RMDN1: variants seen among roughly 807,000 people sequenced by gnomAD.
RMDN1 encodes the protein regulator of microtubule dynamics 1.
A neutral mutation model predicts 48.9 loss-of-function variants in RMDN1; 48 were observed. That is an observed-to-expected ratio of 0.98 (90% CI 0.78 to 1.25). The LOEUF is 1.25. Among genes scored for constraint, RMDN1 ranks in the 50% most tolerant of loss-of-function variants. The pLI, the probability that RMDN1 is intolerant of heterozygous loss-of-function variation, is 0.00. For missense variants in RMDN1, 418 were observed against 373.4 expected (o/e 1.12, Z -0.98); for synonymous variants, 148 against 132.6 (o/e 1.12, Z -0.80).
At position 86,503,623 on chromosome 8, in the gene RMDN1, T is replaced by C. The variant is rs1214772205; in HGVS notation, c.247+3372A>G. 5 of 495,522 alleles carry C rather than the reference T, an allele frequency of 1.0e-5. No homozygotes were observed. The East Asian group carries it at 2.2e-4, about 21-fold the overall frequency. The allele number at this position is 495,522 out of a possible 1,614,324, so 30.7% of individuals were successfully genotyped here. ...CAGCTCTGATCGTTGCCATTACAGT[T>C]GCTACAATTGGCTCTTTCCAAGTTG... On this transcript the variant is annotated intron_variant, in intron 2 of 9. Transcript: ENST00000406452.
In RMDN1 at chr8:86,474,704, C is replaced by T. The variant is rs1447352773; in HGVS notation, c.894+116G>A. The T allele has an allele frequency of 6.2e-6, 6 of 965,964 alleles. No individual in the cohort carries two copies. In the African/African-American group the frequency reaches 8.1e-5, roughly 13 times the overall value. 59.8% of individuals were successfully genotyped at this position (965,964 alleles called of 1,614,324 possible). A position where few individuals can be genotyped will look rare whatever the true frequency, so the allele number is the denominator to read the frequency against. On this transcript the variant is annotated intron_variant, in intron 9 of 9. Transcript: ENST00000406452. ...AATCAATTTACACTTGAAATGAACA[C>T]ACTTGTTTTCAACAATATTATGCAT...
intron 2 of RMDN1, among the ~76,000 whole-genome samples, chr8:86,502,910 T>C (rs565522462): frequency 2.3e-3 from 357 of 152,258 alleles, no homozygotes; most frequent in African/African-American, 8.3e-3. Flanking sequence ...GGTTAAGGGC[T>C]CTACAAAAAT....
intron 2 of RMDN1, among the ~76,000 whole-genome samples, chr8:86,493,562 G>A (rs1816849698): frequency 7.2e-6 from 1 of 138,650 alleles, no homozygotes; most frequent in African/African-American, 2.5e-5. Flanking sequence ...ATATGAAGTG[G>A]AGGACATGAT....
intron 9 of RMDN1, 199 bp from the exon 10 acceptor site, chr8:86,474,557 G>A (rs1813041896): frequency 2.9e-6 from 2 of 698,720 alleles, no homozygotes; most frequent in African/African-American, 3.6e-5. Flanking sequence ...TTATGTTTTA[G>A]AAATGTTAAC....
chr8:86,508,361 A>G (rs545290646), intron 1 of RMDN1, 131 bp downstream of exon 1: 8 of 991,582 alleles, frequency 8.1e-6, no homozygotes, highest in Non-Finnish European at 1.1e-5. Context: ...TTCCAGGCAC[A>G]GTGGCCCCGA....
intron 2 of RMDN1, among the ~76,000 whole-genome samples, chr8:86,506,104 G>C (rs950080493): frequency 6.6e-6 from 1 of 152,178 alleles, no homozygotes; most frequent in African/African-American, 2.4e-5. Context: ...ACTCCTCCTT[G>C]TAGGAGACTC....
chr8:86,489,829 C>CA (rs1237646168), intron 2 of RMDN1, among the ~76,000 whole-genome samples: 78 of 59,380 alleles, frequency 1.3e-3, no homozygotes, highest in Admixed American at 2.7e-3. Flanking sequence ...GACTCTGTCT[C>CA]AAAAAAAAAA....
In RMDN1 at chr8:86,472,364, C is replaced by T. The variant is rs1401352414; in HGVS notation, c.*1944G>A. ...ACAGTCAAAATGCAGGTGCACAACA[C>T]AGTTTATTCGGTCTCCCTAAAGGAA... On this transcript the variant is annotated 3_prime_UTR_variant, in exon 10 of 10. Coordinates refer to ENST00000406452, the MANE Select transcript of RMDN1 (RefSeq NM_016033.3). The T allele has an allele frequency of 4.3e-6, 3 of 699,310 alleles. No homozygotes were observed. The highest frequency in any genetic ancestry group is 7.8e-6 in the Non-Finnish European group (3 of 383,958). The allele number at this position is 699,310 out of a possible 1,614,324, so 43.3% of individuals were successfully genotyped here.
chr8:86,508,355 A>T, intron 1 of RMDN1, 137 bp downstream of exon 1: 1 of 937,484 alleles, frequency 1.1e-6, no homozygotes, highest in African/African-American at 1.7e-5. Context: ...CGGGCGTTCC[A>T]GGCACAGTGG....
chr8:86,486,446 T>G lies in RMDN1; in HGVS notation c.495+38A>C, dbSNP rs373146283. ...AATAGAAAAATATAGAAAATGTACC[T>G]CTCAGTACATGGTTAATAGCTTAGT... On this transcript the variant is annotated intron_variant, in intron 4 of 9. Coordinates refer to ENST00000406452, the MANE Select transcript of RMDN1 (RefSeq NM_016033.3). 4.5e-5 allele frequency: 63 copies of G among 1,385,806 alleles called. No homozygotes were observed. The Middle Eastern group carries it at 4.0e-3, about 87-fold the overall frequency. The allele number at this position is 1,385,806 out of a possible 1,614,324, so 85.8% of individuals were successfully genotyped here. A position where few individuals can be genotyped will look rare whatever the true frequency, so the allele number is the denominator to read the frequency against.
chr8:86,477,627 G>A (rs1462483714), intron 7 of RMDN1, among the ~76,000 whole-genome samples: 3 of 152,118 alleles, frequency 2.0e-5, no homozygotes, highest in African/African-American at 7.2e-5. Context: ...CAGCTATTTT[G>A]ACAGTTCTCT....
At chr8:86,475,940 A>G (rs1386687209) in intron 8 of RMDN1, among the ~76,000 whole-genome samples, 2 of 152,194 alleles carry the variant, frequency 1.3e-5, no homozygotes, top group Non-Finnish European at 2.9e-5. Flanking sequence ...TGTGAGCCAG[A>G]AAAGACAAAG....
chr8:86,475,087 G>A, intron 8 of RMDN1, 134 bp from the exon 9 acceptor site: 3 of 636,580 alleles, frequency 4.7e-6, no homozygotes, highest in Non-Finnish European at 7.8e-6. Flanking sequence ...ATTCTCTTTT[G>A]TTCAACTGTT....
chr8:86,482,375 C>T lies in RMDN1; in HGVS notation c.586-2043G>A, dbSNP rs145778770. ...CGAGATCACACCACTGCACCCCAGC[C>T]TGGGCAACAGAGGAGACTCTGTCTC... On this transcript the variant is annotated intron_variant, in intron 5 of 9. Coordinates refer to ENST00000406452, the MANE Select transcript of RMDN1 (RefSeq NM_016033.3). 391 of 384,940 alleles carry T rather than the reference C, an allele frequency of 1.0e-3. 1 individual carries two copies. Among genetic ancestry groups the T allele is most frequent in the African/African-American group, 7.8e-3 (373 of 47,884 alleles). The allele number at this position is 384,940 out of a possible 1,614,324, so 23.8% of individuals were successfully genotyped here.
intron 6 of RMDN1, 27 bp downstream of exon 6, chr8:86,480,250 C>A (rs757719400): frequency 3.3e-5 from 41 of 1,248,586 alleles, no homozygotes; most frequent in Non-Finnish European, 4.3e-5. Flanking sequence ...CTAAATACTA[C>A]TGAAATATTT....
intron 2 of RMDN1, chr8:86,505,432 T>G (rs1156805630): frequency 2.2e-6 from 1 of 452,412 alleles, no homozygotes; most frequent in Non-Finnish European, 4.5e-6. Context: ...ACCTCAGACT[T>G]ATCAGGAAGA....
At chr8:86,490,127 G>A (rs1209874957) in intron 2 of RMDN1, among the ~76,000 whole-genome samples, 1 of 152,038 alleles carries the variant, frequency 6.6e-6, no homozygotes, top group Admixed American at 6.5e-5. Context: ...TATCGGATAC[G>A]TGGCTGAATC....
chr8:86,503,385 A>AAAAAAAAACAAAACAAAAC (rs1554594088), intron 2 of RMDN1, among the ~76,000 whole-genome samples: 1 of 81,094 alleles, frequency 1.2e-5, no homozygotes, highest in Non-Finnish European at 2.3e-5. Flanking sequence ...AAAAAAAAAA[A>AAAAAAAAACAAAACAAAAC]AAAACAAAAA....
chr8:86,513,371 G>A (rs977443810), upstream of RMDN1, among the ~76,000 whole-genome samples: 9 of 151,956 alleles, frequency 5.9e-5, no homozygotes, highest in East Asian at 1.9e-4. Context: ...GCGAAACTGC[G>A]TCTCAAAAAA....
Sources: allele counts gnomAD v4.1 joint callset (sites outside exome capture counted in the v4.1 genomes callset), GRCh38; gene constraint gnomAD v4.1.1; transcripts MANE v1.5; gene names NCBI Gene and HGNC (gene_info 2026-07-23, HGNC 2026-07-21).